NRXN1: variants seen among roughly 807,000 people sequenced by gnomAD.
NRXN1 encodes neurexin 1, also known as neurexin-1.
In NRXN1, 39 loss-of-function variants were observed where a neutral mutation model predicts 150.9. The ratio of observed to expected loss-of-function variants is 0.26; its 90% CI spans 0.20 to 0.34. The LOEUF (loss-of-function observed/expected upper bound fraction) is 0.34, where lower values mean the gene tolerates loss of function less well. NRXN1 is among the 10% of genes least tolerant of loss of function. The pLI, the probability that NRXN1 is intolerant of heterozygous loss-of-function variation, is 1.00. For synonymous variants in NRXN1, 924 were observed against 757.0 expected (o/e 1.22, Z -3.62); for missense variants, 1,815 against 1,949.9 (o/e 0.93, Z 1.30).
chr2:50,431,352 T>C (rs1343149427), intron 17 of NRXN1, among the ~76,000 whole-genome samples: 2 of 152,140 alleles, frequency 1.3e-5, no homozygotes, highest in East Asian at 3.9e-4. Flanking sequence ...TAATCCAAGA[T>C]ACTTTAAAAA....
chr2:50,970,373 G>A (rs1396105758), intron 2 of NRXN1, among the ~76,000 whole-genome samples: 1 of 152,012 alleles, frequency 6.6e-6, no homozygotes, highest in East Asian at 1.9e-4. Flanking sequence ...AACCCCAACA[G>A]TACCCAAAAG....
At chr2:50,526,035 T>C (rs1428414436) in intron 12 of NRXN1, among the ~76,000 whole-genome samples, 2 of 152,178 alleles carry the variant, frequency 1.3e-5, no homozygotes, top group African/African-American at 2.4e-5. Context: ...TCCCACCCAT[T>C]TTTCACTGGC....
At chr2:50,037,553 T>G (rs745776357) in intron 21 of NRXN1, among the ~76,000 whole-genome samples, 2 of 152,304 alleles carry the variant, frequency 1.3e-5, no homozygotes, top group Non-Finnish European at 2.9e-5. Flanking sequence ...TATTTTCTCC[T>G]GAGATTTCAT....
chr2:50,935,402 G>A (rs529378282), intron 2 of NRXN1, among the ~76,000 whole-genome samples: 2 of 152,092 alleles, frequency 1.3e-5, no homozygotes, highest in East Asian at 3.9e-4. Context: ...ATGAACCAAT[G>A]AGAAGGCAAA....
intron 5 of NRXN1, chr2:50,757,968 C>A (rs772827397): frequency 1.3e-5 from 2 of 151,726 alleles, no homozygotes; most frequent in Non-Finnish European, 2.9e-5. Flanking sequence ...ACAAGAGAAA[C>A]AGAGAGCAAG....
At chr2:50,116,515 G>A (rs368636683) in intron 18 of NRXN1, among the ~76,000 whole-genome samples, 1 of 151,968 alleles carries the variant, frequency 6.6e-6, no homozygotes, top group South Asian at 2.1e-4. Flanking sequence ...AATGTCGATG[G>A]GGTCAGCTCT....
intron 5 of NRXN1, among the ~76,000 whole-genome samples, chr2:50,908,955 CTA>C (rs1196429969): frequency 6.6e-6 from 1 of 151,956 alleles, no homozygotes; most frequent in East Asian, 1.9e-4. Flanking sequence ...GCCTGCAGAA[CTA>C]TAAGAAATAA....
At position 50,978,643 on chromosome 2, in the gene NRXN1, T is replaced by C. The variant is rs539637253; in HGVS notation, c.772+48859A>G. Among the ~76,000 whole-genome samples, 9 of 152,132 alleles carry C rather than the reference T, an allele frequency of 5.9e-5. No homozygotes were observed. The East Asian group carries it at 1.5e-3, about 26-fold the overall frequency. On this transcript the variant is annotated intron_variant, in intron 2 of 22. Coordinates refer to ENST00000401669, the MANE Select transcript of NRXN1 (RefSeq NM_001330078.2). ...AATGCAGGGTATCAATGAAAGTTTG[T>C]TGCATTAATGATTGGATGGATGAAT...
At chr2:50,520,465 A>G (rs2092755465) in intron 12 of NRXN1, among the ~76,000 whole-genome samples, 1 of 151,856 alleles carries the variant, frequency 6.6e-6, no homozygotes, top group Admixed American at 6.6e-5. Flanking sequence ...GATGAATAGA[A>G]AAAAAAACTA....
intron 8 of NRXN1, among the ~76,000 whole-genome samples, chr2:50,610,652 T>TATATATATATATATATATATATAA: frequency 9.5e-6 from 1 of 105,544 alleles, no homozygotes; most frequent in Admixed American, 1.1e-4. Flanking sequence ...CATATATATA[T>TATATATATATATATATATATATAA]ATATATATAT....
intron 5 of NRXN1, among the ~76,000 whole-genome samples, chr2:50,680,820 T>A (rs1196687627): frequency 6.6e-6 from 1 of 151,668 alleles, no homozygotes; most frequent in Non-Finnish European, 1.5e-5. Flanking sequence ...GGATTCAAGG[T>A]TATGCTATTC....
At chr2:50,015,666 A>T (rs1686469193) in intron 21 of NRXN1, among the ~76,000 whole-genome samples, 1 of 152,174 alleles carries the variant, frequency 6.6e-6, no homozygotes, top group Non-Finnish European at 1.5e-5. Flanking sequence ...TAATGAATGA[A>T]AAACAAGAAA....
At chr2:50,772,038 C>T (rs1703070611) in intron 5 of NRXN1, among the ~76,000 whole-genome samples, 1 of 151,942 alleles carries the variant, frequency 6.6e-6, no homozygotes, top group Non-Finnish European at 1.5e-5. Context: ...CTAGTACAGA[C>T]ATGGGCATGC....
chr2:49,946,656 T>G (rs1672959532), intron 21 of NRXN1, among the ~76,000 whole-genome samples: 1 of 152,174 alleles, frequency 6.6e-6, no homozygotes, highest in African/African-American at 2.4e-5. Context: ...TCCTCATTCC[T>G]TGTTTTTGTC....
chr2:50,392,989 A>G (rs2081829567), intron 17 of NRXN1, among the ~76,000 whole-genome samples: 1 of 152,036 alleles, frequency 6.6e-6, no homozygotes, highest in African/African-American at 2.4e-5. Flanking sequence ...TAAAATTTGG[A>G]TGACATGGAA....
chr2:50,369,180 G>A (rs1356524841), intron 17 of NRXN1, among the ~76,000 whole-genome samples: 1 of 151,834 alleles, frequency 6.6e-6, no homozygotes, highest in Non-Finnish European at 1.5e-5. Context: ...CTAGCTCAGA[G>A]AAAGAGGTGA....
intron 15 of NRXN1, 53 bp from the exon 16 acceptor site, chr2:50,472,524 A>T: frequency 1.4e-6 from 2 of 1,466,006 alleles, no homozygotes; most frequent in Non-Finnish European, 1.9e-6. Context: ...TTGACTTTAA[A>T]CACACAGTAG....
intron 18 of NRXN1, among the ~76,000 whole-genome samples, chr2:50,183,686 T>C (rs1238361708): frequency 6.7e-6 from 1 of 150,178 alleles, no homozygotes; most frequent in Non-Finnish European, 1.5e-5. Context: ...TGGCATCTAG[T>C]GTGCAAAGAC....
intron 17 of NRXN1, 108 bp from the exon 18 acceptor site, chr2:50,237,078 T>A (rs1428086897): frequency 9.4e-7 from 1 of 1,059,714 alleles, no homozygotes; most frequent in Non-Finnish European, 1.4e-6. Context: ...CACACAAAAC[T>A]ATGGCAAAGT....
Sources: allele counts gnomAD v4.1 joint callset (sites outside exome capture counted in the v4.1 genomes callset), GRCh38; gene constraint gnomAD v4.1.1; transcripts MANE v1.5; gene names NCBI Gene and HGNC (gene_info 2026-07-23, HGNC 2026-07-21).